The following MEIKIN variants were observed in gnomAD, a reference collection of about 807,000 sequenced individuals.
MEIKIN encodes meiosis-specific kinetochore protein.
At chr5:131,826,106 T>TA (rs1749604879) in intron 11 of MEIKIN, among the ~76,000 whole-genome samples, 1 of 116,964 alleles carries the variant, frequency 8.5e-6, no homozygotes, top group African/African-American at 2.9e-5. Context: ...TTTTTTTTTT[T>TA]ACTAGAGATG....
At chr5:131,893,039 G>C (rs968062267) in intron 8 of MEIKIN, among the ~76,000 whole-genome samples, 3 of 152,216 alleles carry the variant, frequency 2.0e-5, no homozygotes, top group Admixed American at 6.5e-5. Context: ...AGATATTGGT[G>C]AACCACAAAT....
At chr5:131,879,972 G>C (rs947371827) in intron 8 of MEIKIN, among the ~76,000 whole-genome samples, 1 of 151,544 alleles carries the variant, frequency 6.6e-6, no homozygotes. Flanking sequence ...CAGGCTGGAG[G>C]GCAGTGGCGT....
intron 12 of MEIKIN, among the ~76,000 whole-genome samples, chr5:131,813,135 C>A (rs1773027262): frequency 6.6e-6 from 1 of 152,176 alleles, no homozygotes; most frequent in South Asian, 2.1e-4. Context: ...ATGTCCATGG[C>A]CCCCACCCTG....
chr5:131,884,167 T>G (rs1750739561), intron 8 of MEIKIN, among the ~76,000 whole-genome samples: 1 of 151,494 alleles, frequency 6.6e-6, no homozygotes, highest in African/African-American at 2.4e-5. Flanking sequence ...CAGGGCGGGG[T>G]GGTGTCGGGG....
intron 8 of MEIKIN, among the ~76,000 whole-genome samples, chr5:131,884,128 G>A (rs546808016): frequency 6.6e-6 from 1 of 151,182 alleles, no homozygotes; most frequent in South Asian, 2.1e-4. Flanking sequence ...GTGCTGAACT[G>A]GGCTCAGAGC....
At chr5:131,917,779 T>G (rs533288375) in intron 6 of MEIKIN, among the ~76,000 whole-genome samples, 1 of 152,190 alleles carries the variant, frequency 6.6e-6, no homozygotes, top group African/African-American at 2.4e-5. Flanking sequence ...GTGGTACTTA[T>G]GTTAGATTAG....
At chr5:131,824,125 C>G (rs749274026) in intron 11 of MEIKIN, among the ~76,000 whole-genome samples, 4 of 152,196 alleles carry the variant, frequency 2.6e-5, no homozygotes, top group African/African-American at 4.8e-5. Flanking sequence ...GAAGCCAGCA[C>G]AGCATTAGAC....
chr5:131,853,375 T>C (rs1248134883), intron 10 of MEIKIN, among the ~76,000 whole-genome samples: 2 of 152,206 alleles, frequency 1.3e-5, no homozygotes, highest in East Asian at 1.9e-4. Flanking sequence ...AGCCGCTGCA[T>C]GGACCTCTGT....
At chr5:131,940,995 TGTGA>T (rs1037870493) in intron 4 of MEIKIN, among the ~76,000 whole-genome samples, 5 of 152,192 alleles carry the variant, frequency 3.3e-5, no homozygotes, top group African/African-American at 4.8e-5. Flanking sequence ...TCACTTTGCT[TGTGA>T]GTAATTATCA....
At position 131,892,676 on chromosome 5, in the gene MEIKIN, C is replaced by T. The variant is rs551573679; in HGVS notation, c.704-13628G>A. Among the ~76,000 whole-genome samples, 14 of 152,266 alleles carry T rather than the reference C, an allele frequency of 9.2e-5. 1 individual carries two copies. The highest frequency in any genetic ancestry group is 2.1e-4 in the South Asian group (1 of 4,816). On this transcript the variant is annotated intron_variant, in intron 8 of 12. Transcript: ENST00000442687. ...TTGGTTCGAACTTCTTCCTTTAGCT[C>T]GGAGTAGTTTGATCATCTGAAGCCT...
intron 12 of MEIKIN, among the ~76,000 whole-genome samples, chr5:131,808,030 G>A (rs1340709895): frequency 6.6e-6 from 1 of 152,210 alleles, no homozygotes. Flanking sequence ...CCATGGACCA[G>A]TTATGTCAGC....
At chr5:131,838,109 A>G (rs1372037603) in intron 11 of MEIKIN, among the ~76,000 whole-genome samples, 1 of 152,186 alleles carries the variant, frequency 6.6e-6, no homozygotes, top group Non-Finnish European at 1.5e-5. Flanking sequence ...ATCTATTGAG[A>G]TAATAACATG....
At chr5:131,929,420 T>C (rs1383386692) in intron 5 of MEIKIN, among the ~76,000 whole-genome samples, 3 of 152,230 alleles carry the variant, frequency 2.0e-5, no homozygotes, top group Non-Finnish European at 2.9e-5. Context: ...GGGACTCCCA[T>C]AATGCAAATG....
At chr5:131,813,779 G>A (rs1773049319) in intron 12 of MEIKIN, among the ~76,000 whole-genome samples, 1 of 152,038 alleles carries the variant, frequency 6.6e-6, no homozygotes, top group Non-Finnish European at 1.5e-5. Context: ...GTATGGTCAG[G>A]GACTTGGAAA....
At chr5:131,870,260 A>C (rs539708103) in intron 9 of MEIKIN, among the ~76,000 whole-genome samples, 198 of 152,300 alleles carry the variant, frequency 1.3e-3, no homozygotes, top group African/African-American at 4.4e-3. Flanking sequence ...CACACACACA[A>C]AAAAAGTCTT....
rs1023513448 is a variant in MEIKIN, at chr5:131,921,805, C to G, written c.598+17G>C. The G allele has an allele frequency of 2.5e-5, 10 of 398,842 alleles. No homozygotes were observed. The highest frequency in any genetic ancestry group is 8.2e-5 in the African/African-American group (4 of 48,628). 24.7% of individuals were successfully genotyped at this position (398,842 alleles called of 1,614,324 possible). A position where few individuals can be genotyped will look rare whatever the true frequency, so the allele number is the denominator to read the frequency against. On this transcript the variant is annotated intron_variant, in intron 6 of 12. Transcript: ENST00000442687. ...TCCAACATAGATGAGAAATGTTCCCCTGTGTGTGCAACTCACTGAAAATTG... is the reference window on the plus strand; with the variant it reads ...TCCAACATAGATGAGAAATGTTCCCGTGTGTGTGCAACTCACTGAAAATTG...
At chr5:131,923,546 AT>A (rs540981309) in intron 5 of MEIKIN, among the ~76,000 whole-genome samples, 49 of 102,116 alleles carry the variant, frequency 4.8e-4, no homozygotes, top group African/African-American at 1.7e-3. Flanking sequence ...TTTTCTTATG[AT>A]TTTTTTTTCT....
At chr5:131,832,557 G>A (rs1463131469) in intron 11 of MEIKIN, among the ~76,000 whole-genome samples, 4 of 152,222 alleles carry the variant, frequency 2.6e-5, no homozygotes, top group African/African-American at 7.2e-5. Context: ...AGTAGGCAGT[G>A]CCTCAGCAGG....
At chr5:131,824,724 G>A (rs1749581670) in intron 11 of MEIKIN, among the ~76,000 whole-genome samples, 2 of 152,114 alleles carry the variant, frequency 1.3e-5, no homozygotes, top group South Asian at 2.1e-4. Context: ...TTGAACAGAG[G>A]TTCAACGATA....
Sources: allele counts gnomAD v4.1 joint callset (sites outside exome capture counted in the v4.1 genomes callset), GRCh38; gene constraint gnomAD v4.1.1; transcripts MANE v1.5; gene names NCBI Gene and HGNC (gene_info 2026-07-23, HGNC 2026-07-21).